The following USP40 variants were observed in gnomAD, a reference collection of about 807,000 sequenced individuals.
The protein encoded by USP40 is ubiquitin specific peptidase 40.
USP40 carries 143 observed loss-of-function variants against 166.2 expected under a neutral mutation model. That is an observed-to-expected ratio of 0.86 (90% CI 0.75 to 0.99). The LOEUF is 0.99. USP40 is among the 50% of genes least tolerant of loss of function. The pLI, the probability that USP40 is intolerant of heterozygous loss-of-function variation, is 0.00. For missense variants in USP40, 1,444 were observed against 1,479.7 expected (o/e 0.98, Z 0.40); for synonymous variants, 498 against 524.0 (o/e 0.95, Z 0.68).
At chr2:233,508,355 T>C (rs910321909) in intron 21 of USP40, among the ~76,000 whole-genome samples, 6 of 152,234 alleles carry the variant, frequency 3.9e-5, no homozygotes, top group Non-Finnish European at 8.8e-5. Flanking sequence ...TCTTTTGACC[T>C]ATAGGTTGTC....
intron 18 of USP40, among the ~76,000 whole-genome samples, chr2:233,517,386 G>GTTTTTTTT (rs201945738): frequency 7.5e-6 from 1 of 133,996 alleles, no homozygotes; most frequent in Non-Finnish European, 1.6e-5. Context: ...ATGGTTTTTT[G>GTTTTTTTT]TTTTTTTTTT....
intron 30 of USP40, among the ~76,000 whole-genome samples, chr2:233,482,136 T>A (rs1409301128): frequency 6.6e-6 from 1 of 152,208 alleles, no homozygotes; most frequent in Non-Finnish European, 1.5e-5. Context: ...ACATGTCGTG[T>A]CAAGTATTAT....
At chr2:233,555,973 A>G (rs553750491) in intron 5 of USP40, among the ~76,000 whole-genome samples, 3 of 151,906 alleles carry the variant, frequency 2.0e-5, no homozygotes, top group South Asian at 2.1e-4. Flanking sequence ...AAAATTAGCC[A>G]GGCATGGTGG....
At chr2:233,545,488 T>C (rs940553403) in intron 8 of USP40, 1 of 152,282 alleles carries the variant, frequency 6.6e-6, no homozygotes, top group Non-Finnish European at 1.5e-5. Flanking sequence ...CAAGATGATG[T>C]TCCAAATGAT....
chr2:233,562,395 A>T, intron 3 of USP40, among the ~76,000 whole-genome samples: 2 of 150,868 alleles, frequency 1.3e-5, no homozygotes, highest in African/African-American at 4.9e-5. Flanking sequence ...ATAAAAAATG[A>T]TGAGTTCATG....
In USP40 at chr2:233,485,779, C is replaced by G; in HGVS notation, c.3396G>C (p.Pro1132=). The G allele has an allele frequency of 6.2e-7, 1 of 1,612,924 alleles. No individual in the cohort carries two copies. Among genetic ancestry groups the G allele is most frequent in the Non-Finnish European group, 8.5e-7 (1 of 1,179,584 alleles). The change falls in exon 29 of 32, where the codon CCG becomes CCC. Residue 1132 remains proline, a synonymous_variant. Coordinates refer to ENST00000678225, the MANE Select transcript of USP40 (RefSeq NM_001365479.2). ...CCCACAACTTTACCCAGCTAGATAT[C>G]GGAAGCCACTCGAACTTTTCGGGAA... ...KYFPEKFEWL[P]ISSWNQQITK... is the part of the protein sequence containing the mutation.
intron 14 of USP40, among the ~76,000 whole-genome samples, chr2:233,524,951 G>A (rs1029216778): frequency 6.6e-6 from 1 of 152,298 alleles, no homozygotes; most frequent in African/African-American, 2.4e-5. Context: ...AGAATTTTAT[G>A]AAAATCAAGT....
intron 31 of USP40, 92 bp downstream of exon 31, chr2:233,481,111 A>T (rs1416820071): frequency 1.6e-6 from 2 of 1,227,586 alleles, no homozygotes; most frequent in African/African-American, 1.5e-5. Context: ...AATCAACAAG[A>T]GTTTCCGGTC....
intron 24 of USP40, among the ~76,000 whole-genome samples, chr2:233,494,764 G>A (rs142889453): frequency 3.5e-4 from 51 of 144,882 alleles, no homozygotes; most frequent in African/African-American, 1.3e-3. Context: ...GATCGAGCTT[G>A]CAGTGAGCTA....
intron 7 of USP40, among the ~76,000 whole-genome samples, chr2:233,550,712 G>T (rs1575335137): frequency 6.6e-6 from 1 of 152,120 alleles, no homozygotes; most frequent in East Asian, 1.9e-4. Context: ...GGTATGTACA[G>T]CAATGTTATA....
At chr2:233,544,555 A>G (rs1043090972) in intron 8 of USP40, among the ~76,000 whole-genome samples, 2 of 152,138 alleles carry the variant, frequency 1.3e-5, no homozygotes. Context: ...TGAGGCATCT[A>G]AGAGTGACTT....
chr2:233,542,247 A>T, intron 9 of USP40, 21 bp downstream of exon 9: 1 of 1,384,450 alleles, frequency 7.2e-7, no homozygotes, highest in Non-Finnish European at 9.9e-7. Flanking sequence ...ACATACAAAT[A>T]CATACACACA....
intron 31 of USP40, 46 bp from the exon 32 acceptor site, chr2:233,477,549 G>T (rs781723082): frequency 4.5e-6 from 7 of 1,542,418 alleles, no homozygotes; most frequent in Non-Finnish European, 6.2e-6. Context: ...TGCAGTGGGT[G>T]TCAGGGTGAG....
In USP40 at chr2:233,512,601, G is replaced by A; in HGVS notation, c.2405C>T (p.Pro802Leu). The change falls in exon 19 of 32, where the codon CCT (proline) becomes CTT (leucine). Residue 802 changes from proline (P) to leucine (L), a missense_variant. By Grantham distance (98) the Pro-to-Leu change is moderately conservative (BLOSUM62 -3). Transcript: ENST00000678225. ...AAGAAGCTTCCCATTTCTATCAATAGGTCTCAAACAGCTGTTGTCAGCTAT... is the reference window on the plus strand; with the variant it reads ...AAGAAGCTTCCCATTTCTATCAATAAGTCTCAAACAGCTGTTGTCAGCTAT... ...KELADNSCLR[P>L]IDRNGKLLCP... 2 of 1,581,034 alleles carry A rather than the reference G, an allele frequency of 1.3e-6. No homozygotes were observed. The highest frequency in any genetic ancestry group is 1.7e-6 in the Non-Finnish European group (2 of 1,165,144).
At chr2:233,505,529 T>C (rs549759856) in intron 21 of USP40, among the ~76,000 whole-genome samples, 1 of 152,200 alleles carries the variant, frequency 6.6e-6, no homozygotes, top group South Asian at 2.1e-4. Context: ...CAAAGGATCA[T>C]AAGAGACTAT....
At chr2:233,544,436 C>A (rs1479703278) in intron 8 of USP40, among the ~76,000 whole-genome samples, 4 of 152,180 alleles carry the variant, frequency 2.6e-5, no homozygotes, top group Non-Finnish European at 5.9e-5. Flanking sequence ...TCACTGGTGA[C>A]TGAACTCAAT....
chr2:233,515,367 A>G (rs2067113888), intron 18 of USP40, among the ~76,000 whole-genome samples: 1 of 152,194 alleles, frequency 6.6e-6, no homozygotes, highest in South Asian at 2.1e-4. Flanking sequence ...GTTGCTCCAC[A>G]TCCTTGCTAA....
intron 5 of USP40, among the ~76,000 whole-genome samples, chr2:233,555,413 G>A (rs1476151971): frequency 6.6e-6 from 1 of 152,006 alleles, no homozygotes. Context: ...ATGAAAATAG[G>A]GCACTTGTTA....
At chr2:233,498,737 G>C in intron 22 of USP40, 125 bp from the exon 23 acceptor site, 1 of 724,788 alleles carries the variant, frequency 1.4e-6, no homozygotes, top group Non-Finnish European at 2.3e-6. Flanking sequence ...AAAGCTATGG[G>C]CCTCCATGTT....
Sources: allele counts gnomAD v4.1 joint callset (sites outside exome capture counted in the v4.1 genomes callset), GRCh38; gene constraint gnomAD v4.1.1; transcripts MANE v1.5; gene names NCBI Gene and HGNC (gene_info 2026-07-23, HGNC 2026-07-21).